TMBIM6: variants seen among roughly 807,000 people sequenced by gnomAD.
TMBIM6 encodes bax inhibitor 1.
In TMBIM6, 13 loss-of-function variants were observed where a neutral mutation model predicts 31.4. The ratio of observed to expected loss-of-function variants is 0.41; its 90% CI spans 0.27 to 0.66. The LOEUF is 0.66. Ranked by LOEUF, TMBIM6 falls within the 30% of genes least tolerant of loss-of-function variation. TMBIM6 has a pLI of 0.28. For missense variants in TMBIM6, 275 were observed against 289.5 expected (o/e 0.95, Z 0.36); for synonymous variants, 85 against 101.7 (o/e 0.84, Z 0.99).
In TMBIM6 at chr12:49,758,363, A is replaced by G. The variant is rs1441351817; in HGVS notation, c.336-20A>G. 1 of 1,613,892 alleles carries G rather than the reference A, an allele frequency of 6.2e-7. No homozygotes were observed. Among genetic ancestry groups the G allele is most frequent in the South Asian group, 1.1e-5 (1 of 91,058 alleles). On this transcript the variant is annotated intron_variant, in intron 5 of 9. Transcript: ENST00000267115. ...CCGTATACCTGTAGCCCTTAATCTA[A>G]TGGTCTTTTTTTCTAACAGCATCCT... is the stretch of plus-strand genomic sequence containing the variant.
chr12:49,743,596 AAGTTATTTTCCCTG>A, intron 1 of TMBIM6: 1 of 152,326 alleles, frequency 6.6e-6, no homozygotes, highest in South Asian at 2.1e-4. Flanking sequence ...TAGCATTTTC[AAGTTATTTTCCCTG>A]ATTATAGATA....
At chr12:49,754,846 A>G (rs1436457919) in intron 3 of TMBIM6, among the ~76,000 whole-genome samples, 3 of 152,242 alleles carry the variant, frequency 2.0e-5, no homozygotes, top group African/African-American at 2.4e-5. Context: ...AGTATTTTAG[A>G]AACTTCCATA....
At chr12:49,741,915 G>T in intron 1 of TMBIM6, 3 of 680,636 alleles carry the variant, frequency 4.4e-6, no homozygotes, top group South Asian at 3.9e-5. Flanking sequence ...TTCTCAGCCC[G>T]CCTTTTCCTT....
At chr12:49,747,778 T>A (rs766110284) in intron 1 of TMBIM6, among the ~76,000 whole-genome samples, 4 of 152,256 alleles carry the variant, frequency 2.6e-5, no homozygotes, top group Non-Finnish European at 2.9e-5. Context: ...CAGCATTGCA[T>A]AGAACGCATA....
rs1945513320 is a variant in TMBIM6 at position 49,752,500 on chromosome 12, A to AT, written c.8dup (p.Phe4IlefsTer2). ...CTGCACGGACTCTGGAACCATGAAC[A>AT]TATTTGATCGAAAGATCAACTTTGA... On this transcript the variant is annotated frameshift_variant, in exon 2 of 10. Transcript: ENST00000267115. LOFTEE classifies it high-confidence loss of function. 6.2e-7 allele frequency: 1 copy of AT among 1,613,730 alleles called. No homozygotes were observed. Among genetic ancestry groups the AT allele is most frequent in the Non-Finnish European group, 8.5e-7 (1 of 1,179,988 alleles).
chr12:49,760,610 C>T (rs1390714988), intron 8 of TMBIM6, among the ~76,000 whole-genome samples: 3 of 141,554 alleles, frequency 2.1e-5, no homozygotes, highest in Admixed American at 7.7e-5. Flanking sequence ...CATCTCAGCT[C>T]ACTGCAACCT....
rs761478739 is a variant in TMBIM6 at position 49,762,945 on chromosome 12, C to T, written c.*49C>T. 2 of 1,596,726 alleles carry T rather than the reference C, an allele frequency of 1.3e-6. No homozygotes were observed. Among genetic ancestry groups the T allele is most frequent in the African/African-American group, 2.7e-5 (2 of 74,574 alleles). ...TTAGACTTCCTCTCCTTCCACCCCT[C>T]ATTTCCTTTTTGCACACATTACAGG... On this transcript the variant is annotated 3_prime_UTR_variant, in exon 10 of 10. Transcript: ENST00000267115.
intron 2 of TMBIM6, 124 bp downstream of exon 2, chr12:49,752,673 C>T: frequency 1.2e-6 from 1 of 846,478 alleles, no homozygotes; most frequent in Non-Finnish European, 1.9e-6. Context: ...ATCCAGAGGA[C>T]CTGATGAAAA....
rs1482428924 is a variant in TMBIM6 at position 49,759,414 on chromosome 12, C to T, written c.614+93C>T. The T allele has an allele frequency of 7.4e-6, 8 of 1,079,218 alleles. No homozygotes were observed. The East Asian group carries it at 1.7e-4, about 22-fold the overall frequency. The allele number at this position is 1,079,218 out of a possible 1,614,324, so 66.9% of individuals were successfully genotyped here. A position where few individuals can be genotyped will look rare whatever the true frequency, so the allele number is the denominator to read the frequency against. On this transcript the variant is annotated intron_variant, in intron 8 of 9. Transcript: ENST00000267115. ...GTTGGCATTGGCTGAACATAGGTGG[C>T]CAAGCTTTGGGAGTGTATGTGGTAG...
chr12:49,742,337 G>A (rs1671100170), intron 1 of TMBIM6: 3 of 1,513,622 alleles, frequency 2.0e-6, no homozygotes, highest in African/African-American at 2.8e-5. Context: ...TTCTAAGTCT[G>A]CTCAGCAAGG....
chr12:49,744,734 T>G (rs1245472853), intron 1 of TMBIM6, among the ~76,000 whole-genome samples: 2 of 152,110 alleles, frequency 1.3e-5, no homozygotes, highest in African/African-American at 2.4e-5. Flanking sequence ...CCAAAACACG[T>G]GAAAAAGGAG....
intron 1 of TMBIM6, among the ~76,000 whole-genome samples, chr12:49,743,227 T>TTTA (rs1041331148): frequency 1.3e-5 from 2 of 149,866 alleles, no homozygotes; most frequent in Non-Finnish European, 2.9e-5. Context: ...GATTTATTTA[T>TTTA]TTATTATTAT....
Position 49,754,865 on chromosome 12 carries a change from A to G in TMBIM6, c.166-770A>G, listed in dbSNP as rs533483113. 3.3e-5 allele frequency among the ~76,000 whole-genome samples: 5 copies of G among 152,392 alleles called. No individual in the cohort carries two copies. In the South Asian group the frequency reaches 1.0e-3, roughly 32 times the overall value. ...TTTTAGAAACTTCCATAATCCCATC[A>G]TCCAGAAATAACTACTGTTAACATT... On this transcript the variant is annotated intron_variant, in intron 3 of 9. Transcript: ENST00000267115.
In TMBIM6 at chr12:49,752,509, C is replaced by A; in HGVS notation, c.16C>A (p.Arg6=). 8.1e-6 allele frequency: 13 copies of A among 1,613,340 alleles called. No homozygotes were observed. The highest frequency in any genetic ancestry group is 1.1e-5 in the Non-Finnish European group (13 of 1,179,902). Residue 6 remains arginine, a synonymous_variant, in exon 2 of 10, where the codon CGA becomes AGA. Coordinates refer to ENST00000267115, the MANE Select transcript of TMBIM6 (RefSeq NM_003217.3). MNIFD[R]KINFDALLKF... ...CTCTGGAACCATGAACATATTTGAT[C>A]GAAAGATCAACTTTGATGCGCTTTT... is the stretch of plus-strand genomic sequence containing the variant.
At chr12:49,758,818 C>CTTTTTTT in intron 7 of TMBIM6, 56 bp downstream of exon 7, 9 of 1,161,194 alleles carry the variant, frequency 7.8e-6, no homozygotes, top group African/African-American at 5.4e-5. Context: ...TCTTTCTTTC[C>CTTTTTTT]TTTTTTTTTT....
At chr12:49,761,136 C>A (rs1565574013) in intron 8 of TMBIM6, among the ~76,000 whole-genome samples, 1 of 150,734 alleles carries the variant, frequency 6.6e-6, no homozygotes, top group African/African-American at 2.4e-5. Context: ...GTGCTCGGCA[C>A]TTTTTTTTTA....
intron 5 of TMBIM6, 22 bp downstream of exon 5, chr12:49,758,297 T>C (rs1172934418): frequency 6.2e-7 from 1 of 1,614,188 alleles, no homozygotes; most frequent in Admixed American, 1.7e-5. Context: ...GGTAGTGTCT[T>C]ATGTGCTTTT....
At chr12:49,750,499 T>C (rs1489971192) in intron 1 of TMBIM6, 2 of 152,262 alleles carry the variant, frequency 1.3e-5, no homozygotes, top group Admixed American at 6.5e-5. Flanking sequence ...TCTGCCATGC[T>C]GTAAGTGTGC....
At chr12:49,742,230 C>T (rs1945309885) in intron 1 of TMBIM6, 2 of 1,612,978 alleles carry the variant, frequency 1.2e-6, no homozygotes, top group South Asian at 1.1e-5. Flanking sequence ...GGGCTGCCTT[C>T]CAGGCCCACG....
Sources: gnomAD v4.1 joint callset for allele counts (sites outside exome capture counted in the v4.1 genomes callset) on GRCh38, gnomAD v4.1.1 for gene constraint, MANE v1.5 for transcripts, NCBI Gene and HGNC (gene_info 2026-07-23, HGNC 2026-07-21) for gene names.